CXCL12: variants seen among roughly 807,000 people sequenced by gnomAD.
CXCL12 encodes stromal cell-derived factor 1.
CXCL12 carries 4 observed loss-of-function variants against 10.7 expected under a neutral mutation model. That is an observed-to-expected ratio of 0.37 (90% confidence interval 0.18 to 0.86). The LOEUF (loss-of-function observed/expected upper bound fraction) is 0.86. Among genes scored for constraint, CXCL12 ranks in the 40% least tolerant of loss-of-function variants. The pLI, the probability that CXCL12 is intolerant of heterozygous loss-of-function variation, is 0.43. For synonymous variants in CXCL12, 54 were observed against 45.4 expected, an observed-to-expected ratio of 1.19 and a Z score of -0.77; for missense variants, 122 against 110.4, an observed-to-expected ratio of 1.10 and a Z score of -0.47.
chr10:44,374,119 C>T (rs182572526), downstream of CXCL12: 1 of 303,594 alleles, frequency 3.3e-6, no homozygotes, highest in Middle Eastern at 1.2e-3. Flanking sequence ...ACCTTGCATG[C>T]GTTCTCAAGG....
downstream of CXCL12, chr10:44,377,019 C>A (rs534494659): frequency 1.1e-6 from 1 of 890,434 alleles, no homozygotes. Context: ...GTCTCAGACA[C>A]CTGACTGCAG....
chr10:44,384,878 C>A, intron 1 of CXCL12, 67 bp downstream of exon 1: 1 of 1,461,038 alleles, frequency 6.8e-7, no homozygotes, highest in South Asian at 1.2e-5. Context: ...AGAGGAGCCG[C>A]GGCTCTGCGC....
At chr10:44,380,021 A>G (rs554122247) in intron 2 of CXCL12, among the ~76,000 whole-genome samples, 1 of 152,326 alleles carries the variant, frequency 6.6e-6, no homozygotes, top group South Asian at 2.1e-4. Context: ...TTTTAGCACT[A>G]GAACTTCTGA....
At chr10:44,375,694 G>A (rs907455134), downstream of CXCL12, among the ~76,000 whole-genome samples, 11 of 152,214 alleles carry the variant, frequency 7.2e-5, no homozygotes, top group South Asian at 2.1e-4. Flanking sequence ...CAGGCTCCGC[G>A]TCACAGACCC....
downstream of CXCL12, chr10:44,372,167 C>T (rs944937244): frequency 2.0e-5 from 3 of 152,242 alleles, no homozygotes; most frequent in Non-Finnish European, 4.4e-5. Flanking sequence ...GTTTTAAAAA[C>T]CAAAAACAAG....
In CXCL12 at chr10:44,377,606, A is replaced by G; in HGVS notation, c.*1027T>C. The G allele has an allele frequency of 1.3e-6, 2 of 1,498,124 alleles. No individual in the cohort carries two copies. The highest frequency in any genetic ancestry group is 1.3e-5 in the South Asian group (1 of 77,226). 92.8% of individuals were successfully genotyped at this position (1,498,124 alleles called of 1,614,324 possible). Reference sequence around the variant, plus strand: ...GATTTTTTCGCTTCTGATTTCGGAAACCTCAGAGTTTGTTAGTGCCTCCAT... The same window carrying G: ...GATTTTTTCGCTTCTGATTTCGGAAGCCTCAGAGTTTGTTAGTGCCTCCAT... On this transcript the variant is annotated 3_prime_UTR_variant, in exon 3 of 3. Transcript: ENST00000343575.
chr10:44,380,445 G>C, intron 2 of CXCL12: 1 of 281,338 alleles, frequency 3.6e-6, no homozygotes, highest in Non-Finnish European at 6.8e-6. Context: ...TAATTTACTA[G>C]GCTTCAGCCA....
chr10:44,380,859 T>C lies in CXCL12; in HGVS notation c.83A>G (p.Tyr28Cys), dbSNP rs1206701684. ...TTCGAAGAATCGGCATGGGCATCTG[T>C]AGCTCAGGCTGACGGGCTTCCCTAG... ...LSDGKPVSLS[Y>C]RCPCRFFESH... The change falls in exon 2 of 3, where the codon TAC (tyrosine) becomes TGC (cysteine). Residue 28 changes from tyrosine to cysteine, a missense_variant. Physicochemically the swap from Tyr to Cys is radical, Grantham distance 194. Coordinates refer to ENST00000343575, the MANE Select transcript of CXCL12 (RefSeq NM_199168.4). 12 of 1,614,104 alleles carry C rather than the reference T, an allele frequency of 7.4e-6. No individual in the cohort carries two copies. The highest frequency in any genetic ancestry group is 9.3e-6 in the Non-Finnish European group (11 of 1,180,030).
chr10:44,374,055 C>A (rs1839387527), downstream of CXCL12, among the ~76,000 whole-genome samples: 1 of 152,222 alleles, frequency 6.6e-6, no homozygotes, highest in Admixed American at 6.5e-5. Flanking sequence ...ACTTGTAAAC[C>A]ACAGTGAGCC....
chr10:44,380,946 C>A, intron 1 of CXCL12, 66 bp from the exon 2 acceptor site: 1 of 1,276,114 alleles, frequency 7.8e-7, no homozygotes, highest in Non-Finnish European at 1.1e-6. Context: ...TGTGTCTGGG[C>A]TGCAGCAGTT....
downstream of CXCL12, among the ~76,000 whole-genome samples, chr10:44,375,021 C>A (rs2132038640): frequency 6.6e-6 from 1 of 152,306 alleles, no homozygotes; most frequent in South Asian, 2.1e-4. Flanking sequence ...TAAGGTATTT[C>A]CCATGAATGA....
At chr10:44,382,663 C>A (rs1447826242) in intron 1 of CXCL12, among the ~76,000 whole-genome samples, 1 of 152,082 alleles carries the variant, frequency 6.6e-6, no homozygotes, top group Non-Finnish European at 1.5e-5. Context: ...CTATTCAGAG[C>A]TCAACACACA....
chr10:44,382,228 C>A (rs1839653816), intron 1 of CXCL12, among the ~76,000 whole-genome samples: 1 of 151,286 alleles, frequency 6.6e-6, no homozygotes, highest in Non-Finnish European at 1.5e-5. Context: ...TACACCTGAT[C>A]TAACTCCAGA....
intron 1 of CXCL12, among the ~76,000 whole-genome samples, chr10:44,381,436 C>A (rs1839628935): frequency 6.6e-6 from 1 of 152,124 alleles, no homozygotes; most frequent in Non-Finnish European, 1.5e-5. Context: ...CTGGAAGGCA[C>A]AAAAGAATCC....
In CXCL12 at chr10:44,378,088, T is replaced by C. The variant is rs1186396422; in HGVS notation, c.*545A>G. On this transcript the variant is annotated 3_prime_UTR_variant, in exon 3 of 3. Coordinates refer to ENST00000343575, the MANE Select transcript of CXCL12 (RefSeq NM_199168.4). ...AGGCAGTGGCGGCGCCCAGCCCCAG[T>C]CGGTATCTGAGTGCCACAGAGGCCT... is the stretch of plus-strand genomic sequence containing the variant. The C allele has an allele frequency of 6.9e-7, 1 of 1,452,452 alleles. No individual in the cohort carries two copies. Among genetic ancestry groups the C allele is most frequent in the East Asian group, 2.5e-5 (1 of 40,118 alleles). 90.0% of individuals were successfully genotyped at this position (1,452,452 alleles called of 1,614,324 possible). A position where few individuals can be genotyped will look rare whatever the true frequency, so the allele number is the denominator to read the frequency against.
chr10:44,378,758 A>C, intron 2 of CXCL12, 35 bp from the exon 3 acceptor site: 1 of 1,608,714 alleles, frequency 6.2e-7, no homozygotes, highest in South Asian at 1.1e-5. Flanking sequence ...GTGCGGCTGC[A>C]CAGGAGGAAG....
downstream of CXCL12, chr10:44,373,456 G>C: frequency 1.1e-6 from 1 of 929,272 alleles, no homozygotes; most frequent in African/African-American, 1.6e-5. Flanking sequence ...CTACTTCCAA[G>C]TTGCCACCTT....
At chr10:44,373,428 A>G, downstream of CXCL12, 1 of 1,244,590 alleles carries the variant, frequency 8.0e-7, no homozygotes, top group Non-Finnish European at 1.2e-6. Flanking sequence ...GCCTGCGCGG[A>G]GGCCCTGGGG....
chr10:44,375,864 C>G, downstream of CXCL12: 2 of 1,602,906 alleles, frequency 1.2e-6, no homozygotes, highest in Non-Finnish European at 1.7e-6. Flanking sequence ...GGGGGTCTGT[C>G]CTGGAGGAGG....
Sources: allele counts gnomAD v4.1 joint callset (sites outside exome capture counted in the v4.1 genomes callset), GRCh38; gene constraint gnomAD v4.1.1; transcripts MANE v1.5; gene names NCBI Gene and HGNC (gene_info 2026-07-23, HGNC 2026-07-21).